The following GALNT13 variants were observed in gnomAD, a reference collection of about 807,000 sequenced individuals.
The protein encoded by GALNT13 is UDP-GalNAc:polypeptide N-acetylgalactosaminyltransferase 13.
In GALNT13, 28 loss-of-function variants were observed where a neutral mutation model predicts 64.2. That is an observed-to-expected ratio of 0.44 (90% CI 0.32 to 0.60). The LOEUF is 0.60. Among genes scored for constraint, GALNT13 ranks in the 20% least tolerant of loss-of-function variants. The probability of loss-of-function intolerance (pLI) is 0.05; values close to 1 mark genes in which losing one functional copy is unlikely to be tolerated. For synonymous variants in GALNT13, 214 were observed against 224.6 expected (o/e 0.95, Z 0.42); for missense variants, 577 against 669.8 (o/e 0.86, Z 1.53).
intron 3 of GALNT13, among the ~76,000 whole-genome samples, chr2:154,126,645 A>C (rs528729493): frequency 7.0e-4 from 106 of 151,790 alleles, no homozygotes; most frequent in African/African-American, 2.1e-3. Context: ...AAAAAAACAA[A>C]AAAAAAAAAC....
chr2:153,935,286 A>G (rs191768897), intron 2 of GALNT13, among the ~76,000 whole-genome samples: 15 of 152,332 alleles, frequency 9.8e-5, no homozygotes, highest in African/African-American at 3.6e-4. Flanking sequence ...TATCATTGCA[A>G]TAGATGATTT....
the GALNT13 span, among the ~76,000 whole-genome samples, chr2:153,754,382 G>C: frequency 6.6e-6 from 1 of 152,078 alleles, no homozygotes; most frequent in Non-Finnish European, 1.5e-5. Context: ...AGAGCCCAAG[G>C]GCTCTTCAGT....
At chr2:154,083,648 C>T (rs1701391088) in intron 3 of GALNT13, among the ~76,000 whole-genome samples, 1 of 151,698 alleles carries the variant, frequency 6.6e-6, no homozygotes, top group Non-Finnish European at 1.5e-5. Flanking sequence ...AGGTGTATTC[C>T]TAGGTAGTTT....
At chr2:154,316,906 G>C (rs1374996752) in intron 9 of GALNT13, among the ~76,000 whole-genome samples, 1 of 152,150 alleles carries the variant, frequency 6.6e-6, no homozygotes, top group African/African-American at 2.4e-5. Flanking sequence ...GAAAGGAATG[G>C]AGCTTTGACT....
intron 4 of GALNT13, among the ~76,000 whole-genome samples, chr2:154,230,752 A>G (rs184992643): frequency 1.1e-4 from 16 of 152,242 alleles, no homozygotes; most frequent in African/African-American, 3.6e-4. Flanking sequence ...CTGAAACCCC[A>G]GAAGAATTAT....
the GALNT13 span, among the ~76,000 whole-genome samples, chr2:153,336,731 AGGC>A: frequency 6.6e-6 from 1 of 152,228 alleles, no homozygotes; most frequent in Admixed American, 6.5e-5. Context: ...ACCATTGGGA[AGGC>A]ATGATTGGTT....
chr2:153,960,089 T>C (rs1031791944), intron 3 of GALNT13, among the ~76,000 whole-genome samples: 6 of 152,146 alleles, frequency 3.9e-5, no homozygotes, highest in East Asian at 1.9e-4. Context: ...CCAGGGAAAA[T>C]AGTGGCTCTG....
the GALNT13 span, among the ~76,000 whole-genome samples, chr2:153,779,103 C>G: frequency 6.6e-6 from 1 of 152,034 alleles, no homozygotes; most frequent in African/African-American, 2.4e-5. Flanking sequence ...TAATACAGTG[C>G]CTAGTACATA....
At chr2:153,290,425 A>G in the GALNT13 span, among the ~76,000 whole-genome samples, 21 of 152,210 alleles carry the variant, frequency 1.4e-4, no homozygotes, top group Admixed American at 1.2e-3. Context: ...TTACTCTCCG[A>G]AAGTTATTAA....
At chr2:154,185,777 G>A (rs1686216259) in intron 4 of GALNT13, among the ~76,000 whole-genome samples, 1 of 151,718 alleles carries the variant, frequency 6.6e-6, no homozygotes, top group Non-Finnish European at 1.5e-5. Context: ...TATAAGTTAT[G>A]TTTCTAAATG....
chr2:154,407,358 G>T (rs2105387963), intron 10 of GALNT13, among the ~76,000 whole-genome samples: 1 of 152,182 alleles, frequency 6.6e-6, no homozygotes, highest in Admixed American at 6.6e-5. Context: ...TTCCTTTTAT[G>T]AAAAGTCAAT....
the GALNT13 span, among the ~76,000 whole-genome samples, chr2:153,833,231 A>C: frequency 6.6e-6 from 1 of 152,176 alleles, no homozygotes; most frequent in Non-Finnish European, 1.5e-5. Flanking sequence ...ATTTTACTTA[A>C]TAATGTCACC....
chr2:153,682,859 G>A, the GALNT13 span, among the ~76,000 whole-genome samples: 2 of 151,674 alleles, frequency 1.3e-5, no homozygotes, highest in South Asian at 4.1e-4. Flanking sequence ...AGATTTACTT[G>A]TTTTATTTAG....
At chr2:153,967,705 G>A (rs1693466949) in intron 3 of GALNT13, among the ~76,000 whole-genome samples, 1 of 152,018 alleles carries the variant, frequency 6.6e-6, no homozygotes, top group Non-Finnish European at 1.5e-5. Context: ...CTGCCTTCCA[G>A]AGCAGCACAA....
At chr2:153,645,241 T>C in the GALNT13 span, among the ~76,000 whole-genome samples, 1 of 152,116 alleles carries the variant, frequency 6.6e-6, no homozygotes, top group East Asian at 1.9e-4. Flanking sequence ...AAGGCATGAG[T>C]TATATACTTA....
chr2:153,208,511 A>G, the GALNT13 span, among the ~76,000 whole-genome samples: 43 of 152,252 alleles, frequency 2.8e-4, no homozygotes, highest in African/African-American at 9.6e-4. Flanking sequence ...CTGCCAAATA[A>G]TATTTCATTG....
intron 11 of GALNT13, among the ~76,000 whole-genome samples, chr2:154,427,296 G>A (rs183537242): frequency 1.3e-5 from 2 of 152,320 alleles, no homozygotes; most frequent in Admixed American, 1.3e-4. Context: ...CATTGTTGCA[G>A]TATTGTCCAA....
At chr2:153,583,584 CT>C in the GALNT13 span, among the ~76,000 whole-genome samples, 1 of 152,168 alleles carries the variant, frequency 6.6e-6, no homozygotes, top group Non-Finnish European at 1.5e-5. Context: ...CACTTTCCCA[CT>C]GCGGAATCAT....
the GALNT13 span, among the ~76,000 whole-genome samples, chr2:153,471,793 T>C: frequency 6.6e-6 from 1 of 152,182 alleles, no homozygotes; most frequent in East Asian, 1.9e-4. Context: ...TACAGATGTA[T>C]TGTAAGACTC....
Sources: gnomAD v4.1 joint callset for allele counts (sites outside exome capture counted in the v4.1 genomes callset) on GRCh38, gnomAD v4.1.1 for gene constraint, MANE v1.5 for transcripts, NCBI Gene and HGNC (gene_info 2026-07-23, HGNC 2026-07-21) for gene names.